Variants in CDK5RAP2 observed in about 807,000 individuals in gnomAD.
The protein encoded by CDK5RAP2 is CDK5 regulatory subunit-associated protein 2.
CDK5RAP2 carries 147 observed loss-of-function variants against 232.9 expected under a neutral mutation model. The observed-to-expected ratio is 0.63, with a 90% confidence interval of 0.55 to 0.72. The LOEUF is 0.72. CDK5RAP2 is among the 30% of genes least tolerant of loss of function. The pLI is 0.00. For synonymous variants in CDK5RAP2, 833 were observed against 833.7 expected, an observed-to-expected ratio of 1.00 and a Z score of 0.01; for missense variants, 2,195 against 2,231.5, an observed-to-expected ratio of 0.98 and a Z score of 0.33.
chr9:120,448,069 T>A lies in CDK5RAP2; in HGVS notation c.2851A>T (p.Met951Leu). 3 of 1,614,188 alleles carry A rather than the reference T, an allele frequency of 1.9e-6. No homozygotes were observed. Among genetic ancestry groups the A allele is most frequent in the Non-Finnish European group, 2.5e-6 (3 of 1,180,020 alleles). The change falls in exon 22 of 38, where the codon ATG (methionine) becomes TTG (leucine). Residue 951 changes from methionine (M) to leucine (L), a missense_variant. Transcript: ENST00000349780. ...TCCTGGGTGGCAGGGAGACGATACA[T>A]ATTTCCTAATGACCGGGATGGTTTT... is the stretch of plus-strand genomic sequence containing the variant. ...LIKPSRSLGN[M>L]YRLPATQEVV...
rs1003201152 is a variant in CDK5RAP2 at position 120,413,821 on chromosome 9, G to A, written c.4297+1219C>T. Among the ~76,000 whole-genome samples the A allele has an allele frequency of 2.4e-4, 33 of 138,380 alleles. No homozygotes were observed. In the South Asian group the frequency reaches 3.5e-3, roughly 15 times the overall value. 90.8% of individuals were successfully genotyped at this position (138,380 alleles called of 152,430 possible). The stretch of plus-strand genomic sequence containing the variant: ...GGCGCAGTGAGCGAGGAGGGAGGAG[G>A]GAGGAGGGAGGAGGGAGGAGGGAAG... On this transcript the variant is annotated intron_variant, in intron 28 of 37. Transcript: ENST00000349780.
At chr9:120,395,234 T>A (rs1238079419) in intron 35 of CDK5RAP2, among the ~76,000 whole-genome samples, 1 of 152,230 alleles carries the variant, frequency 6.6e-6, no homozygotes, top group Non-Finnish European at 1.5e-5. Flanking sequence ...AACGCCCACA[T>A]CCATAGATGT....
intron 12 of CDK5RAP2, among the ~76,000 whole-genome samples, chr9:120,507,370 A>T (rs770802385): frequency 5.9e-5 from 9 of 152,182 alleles, no homozygotes; most frequent in Non-Finnish European, 1.0e-4. Flanking sequence ...AAGTTCAAAG[A>T]CTTCAAGCAA....
At position 120,453,556 on chromosome 9, in the gene CDK5RAP2, G is replaced by C; in HGVS notation, c.2693C>G (p.Pro898Arg). ...EATREAWEEK[P>R]INTALSAEHR... ...CTCTGCGCTGAGTGCAGTGTTGATC[G>C]GTTTCTCTTCCCAAGCCTCTCTTGT... Residue 898 changes from proline (P) to arginine (R), a missense_variant, in exon 21 of 38, where the codon CCG (proline) becomes CGG (arginine). By Grantham distance (103) the Pro-to-Arg change is moderately radical. Coordinates refer to ENST00000349780, the MANE Select transcript of CDK5RAP2 (RefSeq NM_018249.6). 3 of 1,613,962 alleles carry C rather than the reference G, an allele frequency of 1.9e-6. No homozygotes were observed. The South Asian group carries it at 3.3e-5, about 18-fold the overall frequency.
Position 120,491,332 on chromosome 9 carries a change from G to T in CDK5RAP2, c.1457C>A (p.Thr486Asn). Residue 486 changes from threonine (T) to asparagine (N), a missense_variant, in exon 13 of 38, where the codon ACC becomes AAC. Transcript: ENST00000349780. ...CTGAAGCAACACGTCCTTCTGATTGGTACTTTCTGTTAGATGTTTGATCAC... is the reference window on the plus strand; with the variant it reads ...CTGAAGCAACACGTCCTTCTGATTGTTACTTTCTGTTAGATGTTTGATCAC... ...EQVIKHLTES[T>N]NQKDVLLQKF... 6.2e-7 allele frequency: 1 copy of T among 1,613,380 alleles called. No homozygotes were observed. The highest frequency in any genetic ancestry group is 8.5e-7 in the Non-Finnish European group (1 of 1,179,596).
chr9:120,440,992 A>G (rs2035866247), intron 23 of CDK5RAP2, among the ~76,000 whole-genome samples: 1 of 152,236 alleles, frequency 6.6e-6, no homozygotes, highest in Admixed American at 6.5e-5. Context: ...TTAGAGATGC[A>G]GTCAAACTTG....
chr9:120,569,704 G>A (rs1397682582), intron 2 of CDK5RAP2, among the ~76,000 whole-genome samples: 1 of 152,182 alleles, frequency 6.6e-6, no homozygotes, highest in Non-Finnish European at 1.5e-5. Context: ...AGGACTCTGA[G>A]GAGCTGCTGG....
chr9:120,460,801 T>C (rs567664132), intron 18 of CDK5RAP2, 134 bp from the exon 19 acceptor site: 2 of 1,437,852 alleles, frequency 1.4e-6, no homozygotes, highest in South Asian at 2.6e-5. Context: ...AAGAAACAAA[T>C]GCCAAAGCCA....
intron 36 of CDK5RAP2, chr9:120,390,255 A>G: frequency 6.1e-6 from 1 of 162,904 alleles, no homozygotes; most frequent in African/African-American, 2.4e-5. Flanking sequence ...CCCACATATG[A>G]GGGTCCAAGT....
intron 25 of CDK5RAP2, among the ~76,000 whole-genome samples, chr9:120,432,641 T>C (rs2131445893): frequency 6.6e-6 from 1 of 152,304 alleles, no homozygotes; most frequent in South Asian, 2.1e-4. Context: ...TAGGAGAAAA[T>C]CAAGTTCTAT....
intron 11 of CDK5RAP2, among the ~76,000 whole-genome samples, chr9:120,521,998 T>A (rs1345844881): frequency 6.6e-6 from 1 of 152,148 alleles, no homozygotes; most frequent in African/African-American, 2.4e-5. Context: ...ATTAGCAGCA[T>A]GAGAATGTAC....
intron 1 of CDK5RAP2, among the ~76,000 whole-genome samples, chr9:120,579,655 T>C (rs978552456): frequency 1.1e-4 from 17 of 152,188 alleles, no homozygotes; most frequent in Admixed American, 5.9e-4. Context: ...CGTCCTACTC[T>C]TTCAGAAAAC....
chr9:120,417,349 C>T (rs549069949), intron 27 of CDK5RAP2, among the ~76,000 whole-genome samples: 60 of 152,182 alleles, frequency 3.9e-4, no homozygotes, highest in African/African-American at 1.4e-3. Context: ...CTGGCGCCCA[C>T]GGCACTGCAC....
At chr9:120,544,744 A>T (rs752933718) in intron 5 of CDK5RAP2, among the ~76,000 whole-genome samples, 1 of 152,248 alleles carries the variant, frequency 6.6e-6, no homozygotes, top group Non-Finnish European at 1.5e-5. Flanking sequence ...ACTGTCACAG[A>T]ACAAAACTTA....
intron 25 of CDK5RAP2, among the ~76,000 whole-genome samples, chr9:120,430,589 A>G (rs922797196): frequency 2.0e-4 from 31 of 152,312 alleles, no homozygotes; most frequent in African/African-American, 7.2e-4. Flanking sequence ...TTACAATGGC[A>G]ATCATTAAAA....
intron 17 of CDK5RAP2, 24 bp from the exon 18 acceptor site, chr9:120,468,021 G>A (rs1246645002): frequency 3.1e-6 from 5 of 1,613,164 alleles, no homozygotes; most frequent in Non-Finnish European, 4.2e-6. Context: ...ACAGGGAAAA[G>A]GCTGTCTACC....
intron 25 of CDK5RAP2, among the ~76,000 whole-genome samples, chr9:120,435,638 C>T (rs183488354): frequency 2.2e-3 from 338 of 152,138 alleles, no homozygotes; most frequent in African/African-American, 7.6e-3. Flanking sequence ...AGGGCAGAAG[C>T]AGTACAGGAT....
rs145678067 is a variant in CDK5RAP2, at chr9:120,498,718, A to AATATATAT, written c.1312-7249_1312-7242dup. Among the ~76,000 whole-genome samples, 377 of 147,342 alleles carry AATATATAT rather than the reference A, an allele frequency of 2.6e-3. 2 individuals carry two copies. The highest frequency in any genetic ancestry group is 9.1e-3 in the African/African-American group (367 of 40,324). On this transcript the variant is annotated intron_variant, in intron 12 of 37. Transcript: ENST00000349780. ...ATTATTTCAAAATAAAAAGGCTTTA[A>AATATATAT]ATATATATATATATATATATCAACG...
intron 12 of CDK5RAP2, among the ~76,000 whole-genome samples, chr9:120,513,840 A>T (rs2040204608): frequency 6.6e-6 from 1 of 152,254 alleles, no homozygotes; most frequent in African/African-American, 2.4e-5. Flanking sequence ...ATCCAAAAGC[A>T]ACACCTGTAG....
Sources: allele counts gnomAD v4.1 joint callset (sites outside exome capture counted in the v4.1 genomes callset), GRCh38; gene constraint gnomAD v4.1.1; transcripts MANE v1.5; gene names NCBI Gene and HGNC (gene_info 2026-07-23, HGNC 2026-07-21).